FARS2: variants seen among roughly 807,000 people sequenced by gnomAD.
The protein encoded by FARS2 is phenylalanyl-tRNA synthetase 2, mitochondrial, also known as phenylalanine--tRNA ligase, mitochondrial.
Under a neutral mutation model 46.4 loss-of-function variants are expected in FARS2, and 40 were observed. The observed-to-expected ratio is 0.86, with a 90% CI of 0.67 to 1.12. The LOEUF (loss-of-function observed/expected upper bound fraction) is 1.12. Among genes scored for constraint, FARS2 ranks in the 50% most tolerant of loss-of-function variants. The probability of loss-of-function intolerance (pLI) is 0.00; values close to 1 mark genes in which losing one functional copy is unlikely to be tolerated. For missense variants in FARS2, 513 were observed against 567.9 expected (o/e 0.90, Z 0.98); for synonymous variants, 234 against 214.9 (o/e 1.09, Z -0.78).
In FARS2 at chr6:5,289,239, A is replaced by G. The variant is rs189490722; in HGVS notation, c.-22+27579A>G. Among the ~76,000 whole-genome samples, 186 of 152,338 alleles carry G rather than the reference A, an allele frequency of 1.2e-3. 3 individuals are homozygous for G. Among genetic ancestry groups the G allele is most frequent in the Admixed American group, 3.6e-3 (55 of 15,310 alleles). ...GAAGTTTGAGTACTCTATGCTTTCT[A>G]CCAGTGCTCCAAAGACTGGAAATAA... On this transcript the variant is annotated intron_variant, in intron 1 of 6. Transcript: ENST00000274680.
intron 5 of FARS2, among the ~76,000 whole-genome samples, chr6:5,568,045 A>T (rs1772420723): frequency 6.6e-6 from 1 of 152,120 alleles, no homozygotes; most frequent in Non-Finnish European, 1.5e-5. Flanking sequence ...AAAAGAGATG[A>T]GTGTTTCTCT....
At chr6:5,617,248 A>C (rs1324017041) in intron 6 of FARS2, among the ~76,000 whole-genome samples, 1 of 152,252 alleles carries the variant, frequency 6.6e-6, no homozygotes, top group South Asian at 2.1e-4. Context: ...GTTCCTTCTG[A>C]AGGAGACAGT....
chr6:5,514,169 T>A (rs931390231), intron 4 of FARS2, among the ~76,000 whole-genome samples: 28 of 152,198 alleles, frequency 1.8e-4, no homozygotes, highest in African/African-American at 6.0e-4. Context: ...ATTGTGTGTA[T>A]TACAGATTCA....
At chr6:5,388,161 T>A (rs1285583899) in intron 2 of FARS2, among the ~76,000 whole-genome samples, 1 of 152,216 alleles carries the variant, frequency 6.6e-6, no homozygotes, top group Non-Finnish European at 1.5e-5. Flanking sequence ...TTCAGAAACC[T>A]GAGATGAACC....
chr6:5,618,958 A>G (rs1293743612), intron 6 of FARS2, among the ~76,000 whole-genome samples: 1 of 152,236 alleles, frequency 6.6e-6, no homozygotes, highest in African/African-American at 2.4e-5. Flanking sequence ...CATTTGTAAT[A>G]TGAATACATT....
intron 5 of FARS2, among the ~76,000 whole-genome samples, chr6:5,586,517 T>A (rs746155484): frequency 3.5e-4 from 53 of 152,310 alleles, no homozygotes; most frequent in Admixed American, 2.0e-3. Flanking sequence ...TGTTCAACCA[T>A]CCTTGTATCC....
intron 6 of FARS2, among the ~76,000 whole-genome samples, chr6:5,683,277 A>G (rs539670209): frequency 6.6e-6 from 1 of 152,212 alleles, no homozygotes; most frequent in Non-Finnish European, 1.5e-5. Flanking sequence ...TGCACAGGGC[A>G]TGCTCTGTAG....
At chr6:5,538,133 A>G (rs1005084131) in intron 4 of FARS2, among the ~76,000 whole-genome samples, 7 of 142,152 alleles carry the variant, frequency 4.9e-5, no homozygotes, top group Non-Finnish European at 9.2e-5. Flanking sequence ...GGAACTCACT[A>G]GTTTTGGAAT....
At chr6:5,502,637 C>T (rs1767867671) in intron 4 of FARS2, among the ~76,000 whole-genome samples, 1 of 152,152 alleles carries the variant, frequency 6.6e-6, no homozygotes, top group South Asian at 2.1e-4. Flanking sequence ...CAAAGATGAG[C>T]ATGTAAGAAA....
chr6:5,493,821 T>C (rs1370564919), intron 4 of FARS2, among the ~76,000 whole-genome samples: 1 of 152,282 alleles, frequency 6.6e-6, no homozygotes, highest in African/African-American at 2.4e-5. Flanking sequence ...GCACTACAGA[T>C]GTAATGACAG....
intron 2 of FARS2, among the ~76,000 whole-genome samples, chr6:5,381,609 C>G (rs539034922): frequency 6.6e-6 from 1 of 152,188 alleles, no homozygotes; most frequent in Non-Finnish European, 1.5e-5. Context: ...TTCAGCAATC[C>G]TCTCTCTTTC....
chr6:5,444,012 G>A (rs558655919), intron 4 of FARS2, among the ~76,000 whole-genome samples: 1 of 152,124 alleles, frequency 6.6e-6, no homozygotes, highest in South Asian at 2.1e-4. Flanking sequence ...TGGTGGTTCT[G>A]AAAACCAGAC....
At chr6:5,392,621 G>A (rs1760593465) in intron 2 of FARS2, among the ~76,000 whole-genome samples, 1 of 151,782 alleles carries the variant, frequency 6.6e-6, no homozygotes, top group South Asian at 2.1e-4. Flanking sequence ...GGAGGCTTAA[G>A]TGGGAGGATT....
At chr6:5,455,531 C>G (rs1203911951) in intron 4 of FARS2, among the ~76,000 whole-genome samples, 1 of 152,208 alleles carries the variant, frequency 6.6e-6, no homozygotes, top group Non-Finnish European at 1.5e-5. Context: ...GACCTGAAAT[C>G]AGCTTGTTTC....
At chr6:5,524,932 G>C (rs1204082801) in intron 4 of FARS2, among the ~76,000 whole-genome samples, 1 of 152,120 alleles carries the variant, frequency 6.6e-6, no homozygotes, top group Non-Finnish European at 1.5e-5. Context: ...GCAAACCCTG[G>C]TGACTCTACA....
chr6:5,715,870 C>T (rs1759462450), intron 6 of FARS2, among the ~76,000 whole-genome samples: 1 of 152,166 alleles, frequency 6.6e-6, no homozygotes, highest in Admixed American at 6.5e-5. Context: ...CTATGTTTAA[C>T]CATTTAAGGA....
intron 1 of FARS2, among the ~76,000 whole-genome samples, chr6:5,275,846 A>G (rs1292135974): frequency 1.5e-5 from 2 of 132,282 alleles, no homozygotes; most frequent in Non-Finnish European, 3.3e-5. Flanking sequence ...CAGAAGAGTG[A>G]TACATATTTT....
chr6:5,304,635 ATGTTTGTGTTTG>A (rs1304411111), intron 1 of FARS2, among the ~76,000 whole-genome samples: 4 of 151,914 alleles, frequency 2.6e-5, no homozygotes, highest in Admixed American at 6.6e-5. Flanking sequence ...AGCTGTGTTT[ATGTTTGTGTTTG>A]TGTTTGTGTG....
intron 5 of FARS2, among the ~76,000 whole-genome samples, chr6:5,560,125 G>A (rs1406214756): frequency 6.6e-6 from 1 of 152,082 alleles, no homozygotes; most frequent in Non-Finnish European, 1.5e-5. Flanking sequence ...ATGAACTATG[G>A]TGATATAAAA....
Sources: allele counts gnomAD v4.1 joint callset (sites outside exome capture counted in the v4.1 genomes callset), GRCh38; gene constraint gnomAD v4.1.1; transcripts MANE v1.5; gene names NCBI Gene and HGNC (gene_info 2026-07-23, HGNC 2026-07-21).